Variants in DGKB observed in about 807,000 individuals in gnomAD.
The protein encoded by DGKB is 90 kDa diacylglycerol kinase.
In DGKB, 67 loss-of-function variants were observed where a neutral mutation model predicts 114.3. That is an observed-to-expected ratio of 0.59 (90% CI 0.48 to 0.72). The LOEUF (loss-of-function observed/expected upper bound fraction) is 0.72. Ranked by LOEUF, DGKB falls within the 30% of genes least tolerant of loss-of-function variation. The probability of loss-of-function intolerance (pLI) is 0.00; values close to 1 mark genes in which losing one functional copy is unlikely to be tolerated. For synonymous variants in DGKB, 398 were observed against 323.1 expected, an observed-to-expected ratio of 1.23 and a Z score of -2.49; for missense variants, 907 against 975.2, an observed-to-expected ratio of 0.93 and a Z score of 0.93.
intron 13 of DGKB, among the ~76,000 whole-genome samples, chr7:14,646,049 T>C (rs932230773): frequency 1.3e-5 from 2 of 152,104 alleles, no homozygotes; most frequent in Non-Finnish European, 2.9e-5. Context: ...GAGGTTTAAT[T>C]CACCAATTAA....
In DGKB at chr7:14,165,271, T is replaced by A. The variant is rs1455274418; in HGVS notation, c.2304+11568A>T. ...TAAAATAGTAGAACCTAGAATAGGT[T>A]TTAAATAAAAATCTGGTAAACAGAA... On this transcript the variant is annotated intron_variant, in intron 25 of 25. Transcript: ENST00000402815. Among the ~76,000 whole-genome samples, 4 of 152,300 alleles carry A rather than the reference T, an allele frequency of 2.6e-5. No homozygotes were observed. In the South Asian group the frequency reaches 6.2e-4, roughly 24 times the overall value.
At chr7:14,578,076 C>T (rs1230134905) in intron 19 of DGKB, among the ~76,000 whole-genome samples, 1 of 152,120 alleles carries the variant, frequency 6.6e-6, no homozygotes, top group Non-Finnish European at 1.5e-5. Flanking sequence ...TTCCTCCATG[C>T]AGTTCTGGTG....
At chr7:14,267,236 C>G (rs1797648546) in intron 23 of DGKB, among the ~76,000 whole-genome samples, 2 of 152,156 alleles carry the variant, frequency 1.3e-5, no homozygotes, top group African/African-American at 2.4e-5. Context: ...CCTCCTATCT[C>G]AACACTTGGT....
At chr7:14,593,473 A>G (rs989264443) in intron 17 of DGKB, among the ~76,000 whole-genome samples, 5 of 152,032 alleles carry the variant, frequency 3.3e-5, no homozygotes, top group African/African-American at 1.2e-4. Flanking sequence ...TCAAATTTTT[A>G]ATGTCATTTC....
Position 14,728,750 on chromosome 7 carries a change from C to T in DGKB, c.322+7291G>A, listed in dbSNP as rs1028114418. Among the ~76,000 whole-genome samples the T allele has an allele frequency of 3.2e-4, 47 of 148,162 alleles. 1 individual carries two copies. The Admixed American group carries it at 3.2e-3, about 10-fold the overall frequency. The stretch of plus-strand genomic sequence containing the variant: ...ATGGAGTCTCGCTCTGTCGTGCAGG[C>T]TGGAGTGCAGTGGCGCCATCTCAGC... On this transcript the variant is annotated intron_variant, in intron 5 of 25. Transcript: ENST00000402815.
chr7:14,726,750 A>G (rs951458501), intron 5 of DGKB, among the ~76,000 whole-genome samples: 2 of 152,322 alleles, frequency 1.3e-5, no homozygotes, highest in Non-Finnish European at 1.5e-5. Context: ...CCAAATCTTT[A>G]CGTATGATTT....
At chr7:14,595,347 A>G (rs1033377149) in intron 17 of DGKB, among the ~76,000 whole-genome samples, 4 of 152,082 alleles carry the variant, frequency 2.6e-5, no homozygotes, top group Non-Finnish European at 4.4e-5. Flanking sequence ...AACAGTGTGT[A>G]AATTCGGGAA....
chr7:14,818,416 G>T (rs1586708724), intron 2 of DGKB, among the ~76,000 whole-genome samples: 1 of 152,266 alleles, frequency 6.6e-6, no homozygotes, highest in South Asian at 2.1e-4. Flanking sequence ...CAAACATAAA[G>T]GGTGAGTGAT....
chr7:14,437,970 T>C (rs1376246674), intron 21 of DGKB, among the ~76,000 whole-genome samples: 1 of 151,932 alleles, frequency 6.6e-6, no homozygotes, highest in East Asian at 1.9e-4. Context: ...AATTCTTTCA[T>C]TGCTGCGTTA....
At position 14,494,327 on chromosome 7, in the gene DGKB, T is replaced by C. The variant is rs111368846; in HGVS notation, c.1771-16102A>G. On this transcript the variant is annotated intron_variant, in intron 20 of 25. Coordinates refer to ENST00000402815, the MANE Select transcript of DGKB (RefSeq NM_001350709.2). ...ATATAGTATTTTAATTTTAGAATTT[T>C]ATAAAATGAGATTTTAGATGCCTAA... Among the ~76,000 whole-genome samples, 1,162 of 152,138 alleles carry C rather than the reference T, an allele frequency of 7.6e-3. 21 individuals are homozygous for C. The highest frequency in any genetic ancestry group is 0.027 in the African/African-American group (1,118 of 41,536).
At chr7:14,295,683 C>T (rs1282491909) in intron 23 of DGKB, among the ~76,000 whole-genome samples, 2 of 152,150 alleles carry the variant, frequency 1.3e-5, no homozygotes, top group East Asian at 1.9e-4. Context: ...AAACCTCCAT[C>T]CACCTGGTTC....
intron 2 of DGKB, among the ~76,000 whole-genome samples, chr7:14,781,084 T>A (rs1380454826): frequency 6.6e-6 from 1 of 152,234 alleles, no homozygotes; most frequent in Non-Finnish European, 1.5e-5. Flanking sequence ...TAAGTACCTA[T>A]GGTTGATTTC....
At chr7:14,170,691 T>C (rs777633292) in intron 25 of DGKB, among the ~76,000 whole-genome samples, 45 of 152,206 alleles carry the variant, frequency 3.0e-4, no homozygotes, top group Non-Finnish European at 5.6e-4. Context: ...ATTTTAATGA[T>C]TTGAAAAAAC....
chr7:14,758,113 A>C (rs1266569666), intron 2 of DGKB, among the ~76,000 whole-genome samples: 1 of 152,138 alleles, frequency 6.6e-6, no homozygotes, highest in Non-Finnish European at 1.5e-5. Flanking sequence ...TTTAGTAAGT[A>C]AGCTTTAATT....
At chr7:14,493,204 C>T (rs961167161) in intron 20 of DGKB, among the ~76,000 whole-genome samples, 1 of 151,994 alleles carries the variant, frequency 6.6e-6, no homozygotes, top group Non-Finnish European at 1.5e-5. Context: ...GATGGTGATG[C>T]TTGATGAAAC....
chr7:14,894,192 T>TA (rs966146253), intron 1 of DGKB, among the ~76,000 whole-genome samples: 1 of 151,402 alleles, frequency 6.6e-6, no homozygotes, highest in Non-Finnish European at 1.5e-5. Flanking sequence ...GTTCCTAAAA[T>TA]AAAAAACTGT....
chr7:14,889,260 T>C (rs1780797801), intron 1 of DGKB, among the ~76,000 whole-genome samples: 1 of 151,644 alleles, frequency 6.6e-6, no homozygotes, highest in Non-Finnish European at 1.5e-5. Context: ...ATATCCAAAG[T>C]TCAGCTCTAC....
intron 21 of DGKB, among the ~76,000 whole-genome samples, chr7:14,472,762 G>C (rs1781602656): frequency 6.6e-6 from 1 of 152,126 alleles, no homozygotes; most frequent in African/African-American, 2.4e-5. Flanking sequence ...GTGGAGATGA[G>C]GAACTGGTTG....
intron 4 of DGKB, among the ~76,000 whole-genome samples, chr7:14,747,377 T>G (rs1833455462): frequency 6.6e-6 from 1 of 151,836 alleles, no homozygotes; most frequent in Non-Finnish European, 1.5e-5. Context: ...TTTTTTTAAT[T>G]TTCTAACTCA....
Sources: allele counts gnomAD v4.1 joint callset (sites outside exome capture counted in the v4.1 genomes callset), GRCh38; gene constraint gnomAD v4.1.1; transcripts MANE v1.5; gene names NCBI Gene and HGNC (gene_info 2026-07-23, HGNC 2026-07-21).